Variants in SQSTM1 observed in about 807,000 individuals in gnomAD.
SQSTM1 encodes the protein sequestosome 1.
SQSTM1 carries 36 observed loss-of-function variants against 45.1 expected under a neutral mutation model. The ratio of observed to expected loss-of-function variants is 0.80; its 90% CI spans 0.61 to 1.05. The LOEUF (loss-of-function observed/expected upper bound fraction) is 1.05. SQSTM1 is among the 50% of genes least tolerant of loss of function. SQSTM1 has a pLI of 0.00. For synonymous variants in SQSTM1, 290 were observed against 244.3 expected (o/e 1.19, Z -1.74); for missense variants, 617 against 607.1 (o/e 1.02, Z -0.17).
At chr5:179,812,085 T>A (rs559788984) in intron 2 of SQSTM1, 1 of 152,220 alleles carries the variant, frequency 6.6e-6, no homozygotes, top group Non-Finnish European at 1.5e-5. Flanking sequence ...ATTACAGGCG[T>A]GAGCCACCGC....
chr5:179,811,350 G>A (rs73351620), intron 1 of SQSTM1, among the ~76,000 whole-genome samples: 2,833 of 126,472 alleles, frequency 0.022, 59 homozygotes, highest in African/African-American at 0.041. Flanking sequence ...AGCTATGCAG[G>A]GGGAGGAGCT....
chr5:179,810,772 C>T (rs1015457724), intron 1 of SQSTM1, among the ~76,000 whole-genome samples: 11 of 152,228 alleles, frequency 7.2e-5, no homozygotes, highest in Non-Finnish European at 1.5e-4. Flanking sequence ...TCCTCTCCAG[C>T]ACCTGTTGTT....
At chr5:179,814,648 C>T, upstream of SQSTM1, among the ~76,000 whole-genome samples, 1 of 152,216 alleles carries the variant, frequency 6.6e-6, no homozygotes, top group East Asian at 1.9e-4. Flanking sequence ...AGCTTTAGCA[C>T]TGGCAAATAA....
intron 5 of SQSTM1, among the ~76,000 whole-genome samples, chr5:179,831,031 G>A (rs1027141332): frequency 6.6e-6 from 1 of 152,196 alleles, no homozygotes; most frequent in Non-Finnish European, 1.5e-5. Context: ...CAGCTAAAAC[G>A]ATCAAGTATC....
In SQSTM1 at chr5:179,830,619, C is replaced by T. The variant is rs182474869; in HGVS notation, c.755-2413C>T. On this transcript the variant is annotated intron_variant, in intron 5 of 7. Coordinates refer to ENST00000389805, the MANE Select transcript of SQSTM1 (RefSeq NM_003900.5). ...TGTCGCCCAGGCTGGAGTGCAGCGG[C>T]GTGATCTCAGCTCACTGCAGTTTCC... Among the ~76,000 whole-genome samples, 393 of 151,920 alleles carry T rather than the reference C, an allele frequency of 2.6e-3. 1 individual carries two copies. Among genetic ancestry groups the T allele is most frequent in the Non-Finnish European group, 1.5e-3 (105 of 67,972 alleles).
In SQSTM1 at chr5:179,837,185, A is replaced by C; in HGVS notation, c.*592A>C. ...CCAAACCATCAGCTGCTTTTAAAAT[A>C]AGATCTCTTTGTAGCCATCCTGTTA... On this transcript the variant is annotated 3_prime_UTR_variant, in exon 8 of 8. Coordinates refer to ENST00000389805, the MANE Select transcript of SQSTM1 (RefSeq NM_003900.5). The C allele has an allele frequency of 6.5e-7, 1 of 1,526,846 alleles. No homozygotes were observed. Among genetic ancestry groups the C allele is most frequent in the Non-Finnish European group, 8.8e-7 (1 of 1,133,428 alleles). 94.6% of individuals were successfully genotyped at this position (1,526,846 alleles called of 1,614,324 possible). A position where few individuals can be genotyped will look rare whatever the true frequency, so the allele number is the denominator to read the frequency against.
chr5:179,832,148 G>T (rs1268731140), intron 5 of SQSTM1, among the ~76,000 whole-genome samples: 1 of 152,180 alleles, frequency 6.6e-6, no homozygotes, highest in East Asian at 1.9e-4. Context: ...GGCAGGTACT[G>T]GTCCAGAGTA....
chr5:179,822,867 G>C (rs1158564471), intron 1 of SQSTM1, 91 bp from the exon 2 acceptor site: 13 of 1,060,042 alleles, frequency 1.2e-5, no homozygotes, highest in Non-Finnish European at 1.8e-5. Flanking sequence ...CCCTGTGAGT[G>C]TCCCTTTCAT....
At chr5:179,827,162 G>A (rs1324685047) in intron 5 of SQSTM1, among the ~76,000 whole-genome samples, 1 of 151,620 alleles carries the variant, frequency 6.6e-6, no homozygotes, top group Non-Finnish European at 1.5e-5. Flanking sequence ...GTGAGTGTTG[G>A]TGGGGCCTGG....
intron 5 of SQSTM1, among the ~76,000 whole-genome samples, chr5:179,830,194 G>A (rs780192832): frequency 1.3e-5 from 2 of 152,158 alleles, no homozygotes; most frequent in South Asian, 2.1e-4. Context: ...GATTGAAAGC[G>A]GCCCTGACAA....
At position 179,838,067 on chromosome 5, in the gene SQSTM1, C is replaced by G. The variant is rs1034528953; in HGVS notation, c.*1474C>G. On this transcript the variant is annotated 3_prime_UTR_variant, in exon 8 of 8. Coordinates refer to ENST00000389805, the MANE Select transcript of SQSTM1 (RefSeq NM_003900.5). ...AGACAAAGCAAATAAATGCCTTCCA[C>G]CTCACCGCAAACCTTCTGCTAAATT... is the stretch of plus-strand genomic sequence containing the variant. 1.3e-5 allele frequency: 8 copies of G among 612,720 alleles called. No individual in the cohort carries two copies. The Admixed American group carries it at 1.5e-4, about 11-fold the overall frequency. The allele number at this position is 612,720 out of a possible 1,614,324, so 38.0% of individuals were successfully genotyped here. A position where few individuals can be genotyped will look rare whatever the true frequency, so the allele number is the denominator to read the frequency against.
At position 179,833,166 on chromosome 5, in the gene SQSTM1, G is replaced by T. The variant is rs1032321703; in HGVS notation, c.889G>T (p.Gly297Cys). Reference sequence around the variant, plus strand: ...CTGCTGCTCTGACCCCAGCAAGCCGGGTGGGAATGTTGAGGGCGCCACGCA... The same window carrying T: ...CTGCTGCTCTGACCCCAGCAAGCCGTGTGGGAATGTTGAGGGCGCCACGCA... ...SSCCSDPSKP[G>C]GNVEGATQSL... Residue 297 changes from glycine (G) to cysteine (C), a missense_variant, in exon 6 of 8, where the codon GGT becomes TGT. By Grantham distance (159) the Gly-to-Cys change is radical. Coordinates refer to ENST00000389805, the MANE Select transcript of SQSTM1 (RefSeq NM_003900.5). The T allele has an allele frequency of 1.9e-6, 3 of 1,613,974 alleles. No individual in the cohort carries two copies. The highest frequency in any genetic ancestry group is 2.5e-6 in the Non-Finnish European group (3 of 1,180,000).
upstream of SQSTM1, chr5:179,820,793 G>T: frequency 1.3e-6 from 1 of 764,806 alleles, no homozygotes; most frequent in Non-Finnish European, 1.9e-6. Flanking sequence ...GGCGGCTCTC[G>T]CGCCGCGACG....
chr5:179,836,009 C>G (rs1296386810), intron 7 of SQSTM1: 4 of 293,206 alleles, frequency 1.4e-5, no homozygotes, highest in African/African-American at 6.5e-5. Context: ...CATACATTTC[C>G]AAGTCCTGTT....
At position 179,806,599 on chromosome 5, in the gene SQSTM1, G is replaced by T; in HGVS notation, c.-157+8G>T. The T allele has an allele frequency of 8.2e-7, 1 of 1,220,600 alleles. No individual in the cohort carries two copies. The highest frequency in any genetic ancestry group is 1.7e-5 in the South Asian group (1 of 57,450). 75.6% of individuals were successfully genotyped at this position (1,220,600 alleles called of 1,614,324 possible). On this transcript the variant is annotated splice_region_variant and intron_variant, in intron 1 of 5. Transcript: ENST00000514093. The surrounding 1 kb of genome is among the most constrained non-coding windows in gnomAD (Gnocchi z 4.6). ...GGAGCCTCATCTCCTCGGGTGCGCG[G>T]CGGGCGCCCGCGGGGCCGAGGCTGC...
At chr5:179,817,590 C>G (rs79877134), upstream of SQSTM1, among the ~76,000 whole-genome samples, 33 of 152,372 alleles carry the variant, frequency 2.2e-4, 1 homozygote, top group East Asian at 5.0e-3. Context: ...ATTCTCTAAC[C>G]ATGTCTGTCC....
intron 6 of SQSTM1, 126 bp downstream of exon 6, chr5:179,833,372 C>G: frequency 2.8e-6 from 3 of 1,060,892 alleles, no homozygotes; most frequent in Non-Finnish European, 4.2e-6. Context: ...GCTGCTGCTG[C>G]AGTGATGTCT....
intron 5 of SQSTM1, among the ~76,000 whole-genome samples, chr5:179,830,095 A>G (rs1045975322): frequency 4.0e-5 from 6 of 151,312 alleles, no homozygotes; most frequent in Non-Finnish European, 5.9e-5. Flanking sequence ...GGAGACAGAA[A>G]CAGACCTTGT....
upstream of SQSTM1, among the ~76,000 whole-genome samples, chr5:179,815,226 G>A (rs1013668479): frequency 5.3e-5 from 8 of 152,138 alleles, no homozygotes. Context: ...AGACCAGCCT[G>A]GCCAACATGG....
Sources: gnomAD v4.1 joint callset for allele counts (sites outside exome capture counted in the v4.1 genomes callset) on GRCh38, gnomAD v4.1.1 for gene constraint, Gnocchi (gnomAD v3.1) non-coding constraint, MANE v1.5 for transcripts, NCBI Gene and HGNC (gene_info 2026-07-23, HGNC 2026-07-21) for gene names.